MYO3B: variants seen among roughly 807,000 people sequenced by gnomAD.
MYO3B encodes the protein myosin IIIB.
In MYO3B, 156 loss-of-function variants were observed where a neutral mutation model predicts 174.6. The ratio of observed to expected loss-of-function variants is 0.89; its 90% CI spans 0.78 to 1.02. The LOEUF (loss-of-function observed/expected upper bound fraction) is 1.02. MYO3B is among the 50% of genes least tolerant of loss of function. MYO3B has a pLI of 0.00. For missense variants in MYO3B, 1,632 were observed against 1,639.4 expected (o/e 1.00, Z 0.08); for synonymous variants, 563 against 569.1 (o/e 0.99, Z 0.15).
At chr2:170,282,643 A>T (rs1046378324) in intron 7 of MYO3B, among the ~76,000 whole-genome samples, 1 of 151,996 alleles carries the variant, frequency 6.6e-6, no homozygotes, top group Non-Finnish European at 1.5e-5. Flanking sequence ...TCTGTGAAAA[A>T]TGTCATCATA....
chr2:170,178,365 G>T, intron 1 of MYO3B, 76 bp downstream of exon 1: 20 of 1,563,654 alleles, frequency 1.3e-5, no homozygotes, highest in Non-Finnish European at 1.6e-5. Flanking sequence ...GGCAGATGCA[G>T]CTGCCCTGGC....
chr2:170,317,489 G>A (rs1281752124), intron 7 of MYO3B, among the ~76,000 whole-genome samples: 2 of 152,138 alleles, frequency 1.3e-5, no homozygotes, highest in African/African-American at 4.8e-5. Flanking sequence ...AAAACATGGA[G>A]TTAGGGCCAT....
chr2:170,459,752 G>A (rs1684142223), intron 23 of MYO3B, among the ~76,000 whole-genome samples: 1 of 152,214 alleles, frequency 6.6e-6, no homozygotes, highest in Non-Finnish European at 1.5e-5. Context: ...CTTGGGCATG[G>A]CGGGCTGCGG....
intron 7 of MYO3B, among the ~76,000 whole-genome samples, chr2:170,289,702 T>C (rs983277887): frequency 1.3e-5 from 2 of 152,068 alleles, no homozygotes; most frequent in Non-Finnish European, 2.9e-5. Flanking sequence ...ATTTCATTTA[T>C]TTTTGCTCTG....
intron 3 of MYO3B, among the ~76,000 whole-genome samples, chr2:170,214,124 T>C (rs2092802622): frequency 6.6e-6 from 1 of 152,226 alleles, no homozygotes; most frequent in African/African-American, 2.4e-5. Context: ...ATTTTATATT[T>C]GGCAATTAAA....
chr2:170,499,256 T>C (rs1485382763), intron 26 of MYO3B, among the ~76,000 whole-genome samples: 3 of 152,190 alleles, frequency 2.0e-5, no homozygotes, highest in African/African-American at 2.4e-5. Flanking sequence ...CTGTGGATCA[T>C]CTAGGTACCT....
At chr2:170,200,026 T>A (rs1344141019) in intron 2 of MYO3B, 124 bp from the exon 3 acceptor site, 6 of 788,648 alleles carry the variant, frequency 7.6e-6, no homozygotes, top group Non-Finnish European at 1.2e-5. Context: ...ATTTTGAAGG[T>A]ATGGTAATGA....
In MYO3B at chr2:170,544,203, A is replaced by G. The variant is rs1168948180; in HGVS notation, c.3733+215A>G. Among the ~76,000 whole-genome samples the G allele has an allele frequency of 7.2e-5, 11 of 152,236 alleles. No homozygotes were observed. In the South Asian group the frequency reaches 1.9e-3, roughly 26 times the overall value. On this transcript the variant is annotated intron_variant, in intron 32 of 34. Transcript: ENST00000408978. The stretch of plus-strand genomic sequence containing the variant: ...TTTAAGACAATGAATATCAAAGTCC[A>G]TGCTTTTCCATTTACTTAACCTTAA...
rs1386768969 is a variant in MYO3B, at chr2:170,443,923, T to G, written c.2651-44T>G. 3.3e-6 allele frequency: 5 copies of G among 1,530,214 alleles called. No individual in the cohort carries two copies. The African/African-American group carries it at 4.1e-5, about 12-fold the overall frequency. The allele number at this position is 1,530,214 out of a possible 1,614,324, so 94.8% of individuals were successfully genotyped here. On this transcript the variant is annotated intron_variant, in intron 22 of 34. Transcript: ENST00000408978. ...GAAAAATTACTCATGATCCTATTTC[T>G]TAACTTTTCCTTTAATTTATGTTCT...
chr2:170,444,106 T>C, intron 23 of MYO3B, 60 bp downstream of exon 23: 1 of 1,473,062 alleles, frequency 6.8e-7, no homozygotes, highest in Non-Finnish European at 9.5e-7. Context: ...GACCCAGGGA[T>C]AATCTTAGAG....
chr2:170,293,832 A>G (rs2093611756), intron 7 of MYO3B, among the ~76,000 whole-genome samples: 1 of 152,112 alleles, frequency 6.6e-6, no homozygotes. Context: ...TCTAGAGCCC[A>G]AACTAGAGGT....
chr2:170,563,045 C>CACAT (rs1019614446), intron 32 of MYO3B, among the ~76,000 whole-genome samples: 1 of 149,380 alleles, frequency 6.7e-6, no homozygotes, highest in Non-Finnish European at 1.5e-5. Context: ...CACACACACA[C>CACAT]ACACACACAC....
chr2:170,439,226 G>T (rs1026270830), intron 22 of MYO3B, among the ~76,000 whole-genome samples: 25 of 151,620 alleles, frequency 1.6e-4, no homozygotes, highest in African/African-American at 5.8e-4. Flanking sequence ...CAAAAAATTA[G>T]ACGGGCATGC....
At chr2:170,569,215 C>T (rs1215238000) in intron 32 of MYO3B, among the ~76,000 whole-genome samples, 1 of 152,174 alleles carries the variant, frequency 6.6e-6, no homozygotes, top group Non-Finnish European at 1.5e-5. Context: ...TTCCTCCCCT[C>T]TGTATTTAGC....
At chr2:170,363,978 G>A (rs2094180367) in intron 8 of MYO3B, among the ~76,000 whole-genome samples, 2 of 152,150 alleles carry the variant, frequency 1.3e-5, no homozygotes, top group African/African-American at 4.8e-5. Context: ...TCTAGTCCTT[G>A]CTACTTGTTT....
chr2:170,549,353 A>C (rs1399209580), intron 32 of MYO3B, among the ~76,000 whole-genome samples: 1 of 152,124 alleles, frequency 6.6e-6, no homozygotes, highest in African/African-American at 2.4e-5. Flanking sequence ...ACAGTTGGCA[A>C]AGCACACTGT....
chr2:170,516,730 T>A (rs902048011), intron 29 of MYO3B, among the ~76,000 whole-genome samples: 1 of 152,048 alleles, frequency 6.6e-6, no homozygotes, highest in African/African-American at 2.4e-5. Context: ...ACTCCAAGTA[T>A]TGCTTTACTT....
intron 7 of MYO3B, among the ~76,000 whole-genome samples, chr2:170,264,402 C>T (rs940402590): frequency 6.6e-6 from 1 of 152,190 alleles, no homozygotes; most frequent in Non-Finnish European, 1.5e-5. Context: ...AGCTGCAGAT[C>T]TTGTAAGGCT....
At chr2:170,442,438 A>G (rs113780375) in intron 22 of MYO3B, among the ~76,000 whole-genome samples, 1 of 151,476 alleles carries the variant, frequency 6.6e-6, no homozygotes, top group African/African-American at 2.4e-5. Context: ...TTTCTGTTCA[A>G]ATATATTGCC....
Sources: gnomAD v4.1 joint callset for allele counts (sites outside exome capture counted in the v4.1 genomes callset) on GRCh38, gnomAD v4.1.1 for gene constraint, MANE v1.5 for transcripts, NCBI Gene and HGNC (gene_info 2026-07-23, HGNC 2026-07-21) for gene names.